COL13A1: variants seen among roughly 807,000 people sequenced by gnomAD.
COL13A1 encodes the protein collagen alpha-1(XIII) chain.
COL13A1 carries 89 observed loss-of-function variants against 130.9 expected under a neutral mutation model. That is an observed-to-expected ratio of 0.68 (90% confidence interval 0.57 to 0.81). COL13A1 has a LOEUF of 0.81. Among genes scored for constraint, COL13A1 ranks in the 30% least tolerant of loss-of-function variants. The pLI, the probability that COL13A1 is intolerant of heterozygous loss-of-function variation, is 0.00. For missense variants in COL13A1, 879 were observed against 934.6 expected, an observed-to-expected ratio of 0.94 and a Z score of 0.78; for synonymous variants, 402 against 341.6, an observed-to-expected ratio of 1.18 and a Z score of -1.95.
intron 2 of COL13A1, among the ~76,000 whole-genome samples, chr10:69,839,067 A>G (rs1275585483): frequency 1.3e-5 from 2 of 152,258 alleles, no homozygotes; most frequent in African/African-American, 4.8e-5. Context: ...CAGTGTCCAC[A>G]GGAAATATTT....
At chr10:69,873,462 T>C (rs2059278845) in intron 4 of COL13A1, among the ~76,000 whole-genome samples, 1 of 152,140 alleles carries the variant, frequency 6.6e-6, no homozygotes, top group South Asian at 2.1e-4. Context: ...CTTTGTTTCT[T>C]TCTTACAACA....
chr10:69,822,227 GC>G (rs780137199), intron 1 of COL13A1, 141 bp from the exon 2 acceptor site: 11 of 550,918 alleles, frequency 2.0e-5, no homozygotes, highest in Non-Finnish European at 3.4e-5. Context: ...CCAGTGGAAG[GC>G]CATTAACTGC....
chr10:69,920,074 G>T (rs1301273970), intron 21 of COL13A1, among the ~76,000 whole-genome samples: 2 of 152,176 alleles, frequency 1.3e-5, no homozygotes, highest in Non-Finnish European at 2.9e-5. Flanking sequence ...GCCCAGGCAG[G>T]ACAGGGCAGC....
chr10:69,872,299 T>C, intron 4 of COL13A1, 89 bp downstream of exon 4: 2 of 1,475,424 alleles, frequency 1.4e-6, no homozygotes, highest in Non-Finnish European at 1.9e-6. Flanking sequence ...GGCTGGTTTT[T>C]CTCCAGGTGT....
At chr10:69,875,066 G>C (rs2059439758) in intron 4 of COL13A1, 62 bp from the exon 5 acceptor site, 3 of 1,609,534 alleles carry the variant, frequency 1.9e-6, no homozygotes, top group Non-Finnish European at 2.6e-6. Flanking sequence ...TGCCTATAGG[G>C]TCCTTCACAT....
chr10:69,934,772 C>T (rs2066610638), intron 31 of COL13A1, among the ~76,000 whole-genome samples: 1 of 152,248 alleles, frequency 6.6e-6, no homozygotes, highest in Admixed American at 6.5e-5. Flanking sequence ...AGTCCCCATC[C>T]TGTCTGTAAC....
intron 13 of COL13A1, 22 bp from the exon 14 acceptor site, chr10:69,898,675 T>G: frequency 6.2e-7 from 1 of 1,610,082 alleles, no homozygotes; most frequent in Non-Finnish European, 8.5e-7. Flanking sequence ...CCTCTGGCCC[T>G]CCAACTCATC....
chr10:69,824,001 C>T lies in COL13A1; in HGVS notation c.364+1563C>T, dbSNP rs11598684. 169,969 of 433,112 alleles carry T rather than the reference C, an allele frequency of 0.39. 35,656 individuals carry two copies. The highest frequency in any genetic ancestry group is 0.49 in the South Asian group (28,433 of 57,454). The allele number at this position is 433,112 out of a possible 1,614,324, so 26.8% of individuals were successfully genotyped here. On this transcript the variant is annotated intron_variant, in intron 2 of 40. Transcript: ENST00000645393. ...CTTATAACTCTTGGGCAATGACAAC[C>T]GATTTTTGCTCAGCGTATAGAATGC...
intron 31 of COL13A1, among the ~76,000 whole-genome samples, chr10:69,933,490 C>T (rs772048289): frequency 3.6e-4 from 55 of 152,246 alleles, no homozygotes; most frequent in Non-Finnish European, 5.1e-4. Context: ...ATCAAGGATG[C>T]GTGAGAGACA....
chr10:69,890,705 C>T (rs1564963813), intron 10 of COL13A1, among the ~76,000 whole-genome samples: 1 of 152,262 alleles, frequency 6.6e-6, no homozygotes, highest in East Asian at 1.9e-4. Flanking sequence ...CCAGCTCCCT[C>T]TGGGCCCCAA....
chr10:69,843,928 G>A (rs1015269491), intron 2 of COL13A1, among the ~76,000 whole-genome samples: 41 of 152,184 alleles, frequency 2.7e-4, no homozygotes, highest in African/African-American at 8.7e-4. Flanking sequence ...GCCAGGCGCT[G>A]TTATCATATG....
At chr10:69,889,582 A>T in intron 10 of COL13A1, 142 bp downstream of exon 10, 2 of 1,064,736 alleles carry the variant, frequency 1.9e-6, no homozygotes, top group Non-Finnish European at 2.8e-6. Context: ...TGTGTAAACC[A>T]CATGCCCTGG....
chr10:69,855,788 G>GCAAGAGGGAGGGATA (rs1856285120), intron 2 of COL13A1, among the ~76,000 whole-genome samples: 1 of 152,182 alleles, frequency 6.6e-6, no homozygotes, highest in South Asian at 2.1e-4. Flanking sequence ...GGGGAGGGAT[G>GCAAGAGGGAGGGATA]CAAGAGGGAG....
At chr10:69,895,404 C>A in intron 12 of COL13A1, 146 bp from the exon 13 acceptor site, 3 of 824,224 alleles carry the variant, frequency 3.6e-6, no homozygotes. Context: ...AGTTCTTCTG[C>A]CTCAGAGGGC....
At chr10:69,809,108 G>A (rs1439291150) in intron 1 of COL13A1, among the ~76,000 whole-genome samples, 4 of 152,128 alleles carry the variant, frequency 2.6e-5, no homozygotes, top group Non-Finnish European at 4.4e-5. Flanking sequence ...TCGGGGGGTG[G>A]CAAAATGGTG....
intron 2 of COL13A1, among the ~76,000 whole-genome samples, chr10:69,832,021 C>A (rs1848934334): frequency 1.3e-5 from 2 of 152,154 alleles, no homozygotes; most frequent in South Asian, 4.1e-4. Flanking sequence ...TGGAAAAGGG[C>A]TTCAGGTGAC....
At chr10:69,873,012 T>C (rs2059224591) in intron 4 of COL13A1, among the ~76,000 whole-genome samples, 1 of 152,086 alleles carries the variant, frequency 6.6e-6, no homozygotes, top group Admixed American at 6.6e-5. Flanking sequence ...GGGGCATGGA[T>C]GAGTTGAGTA....
At chr10:69,868,447 C>A (rs1459018551) in intron 3 of COL13A1, among the ~76,000 whole-genome samples, 1 of 152,208 alleles carries the variant, frequency 6.6e-6, no homozygotes, top group Non-Finnish European at 1.5e-5. Context: ...AGTGGAGCCA[C>A]TTCCAGAGAA....
chr10:69,877,780 G>A (rs1434480461), intron 5 of COL13A1, among the ~76,000 whole-genome samples: 1 of 145,416 alleles, frequency 6.9e-6, no homozygotes, highest in African/African-American at 2.6e-5. Context: ...TACGGCCCCA[G>A]CCACTGTTTC....
Sources: allele counts gnomAD v4.1 joint callset (sites outside exome capture counted in the v4.1 genomes callset), GRCh38; gene constraint gnomAD v4.1.1; transcripts MANE v1.5; gene names NCBI Gene and HGNC (gene_info 2026-07-23, HGNC 2026-07-21).